CSMD1: variants seen among roughly 807,000 people sequenced by gnomAD.
CSMD1 encodes the protein CUB and sushi domain-containing protein 1.
Under a neutral mutation model 417.5 loss-of-function variants are expected in CSMD1, and 213 were observed. That is an observed-to-expected ratio of 0.51 (90% CI 0.46 to 0.57). The LOEUF (loss-of-function observed/expected upper bound fraction) is 0.57. Ranked by LOEUF, CSMD1 falls within the 20% of genes least tolerant of loss-of-function variation. The pLI is 0.00. For synonymous variants in CSMD1, 2,862 were observed against 1,736.8 expected (o/e 1.65, Z -16.11); for missense variants, 6,923 against 4,529.7 (o/e 1.53, Z -15.17).
chr8:3,262,150 C>A (rs1323329741), intron 26 of CSMD1, among the ~76,000 whole-genome samples: 2 of 135,706 alleles, frequency 1.5e-5, no homozygotes, highest in East Asian at 2.3e-4. Context: ...ACAGTGAATG[C>A]AAACCATTTT....
intron 6 of CSMD1, among the ~76,000 whole-genome samples, chr8:3,733,890 C>T (rs542363988): frequency 5.7e-4 from 87 of 152,104 alleles, no homozygotes; most frequent in Non-Finnish European, 9.1e-4. Flanking sequence ...GTACAAAGTA[C>T]GAGAAAAGCA....
chr8:4,177,267 T>C (rs1010260407), intron 3 of CSMD1, among the ~76,000 whole-genome samples: 4 of 152,022 alleles, frequency 2.6e-5, no homozygotes, highest in African/African-American at 9.7e-5. Context: ...GAACTCAGGA[T>C]TAAGAAACTC....
intron 32 of CSMD1, 46 bp from the exon 33 acceptor site, chr8:3,199,855 G>C (rs1447188194): frequency 8.5e-7 from 1 of 1,178,196 alleles, no homozygotes; most frequent in Non-Finnish European, 1.2e-6. Context: ...ACAGCACCGT[G>C]GGGGACGGTA....
intron 21 of CSMD1, among the ~76,000 whole-genome samples, chr8:3,352,248 C>T (rs538327471): frequency 8.5e-5 from 13 of 152,116 alleles, no homozygotes; most frequent in Non-Finnish European, 1.9e-4. Flanking sequence ...TGGAGCATCA[C>T]ATGAAGGAAC....
chr8:4,685,589 G>T (rs1265641364), intron 1 of CSMD1, among the ~76,000 whole-genome samples: 1 of 150,456 alleles, frequency 6.6e-6, no homozygotes, highest in Non-Finnish European at 1.5e-5. Flanking sequence ...AAGAAAAAAA[G>T]AAAGAAAGAA....
intron 1 of CSMD1, among the ~76,000 whole-genome samples, chr8:4,881,193 T>C (rs550097230): frequency 2.0e-5 from 3 of 152,244 alleles, no homozygotes; most frequent in Non-Finnish European, 2.9e-5. Context: ...TTGTGTGCTA[T>C]GTGAAAAATA....
intron 3 of CSMD1, among the ~76,000 whole-genome samples, chr8:4,336,688 CA>C (rs1252947678): frequency 3.3e-5 from 5 of 152,082 alleles, no homozygotes; most frequent in Non-Finnish European, 7.4e-5. Flanking sequence ...CCTTCGAAGA[CA>C]AAGTAGAGAT....
chr8:4,240,818 T>C (rs1191843460), intron 3 of CSMD1, among the ~76,000 whole-genome samples: 8 of 152,222 alleles, frequency 5.3e-5, no homozygotes. Context: ...TATTTTTTTA[T>C]TTGGTGTCTA....
At chr8:4,074,863 C>T (rs1799740923) in intron 3 of CSMD1, among the ~76,000 whole-genome samples, 1 of 151,958 alleles carries the variant, frequency 6.6e-6, no homozygotes, top group South Asian at 2.1e-4. Flanking sequence ...TTCTCTCCTC[C>T]AGAATGCACA....
At chr8:4,291,856 G>T (rs1310291440) in intron 3 of CSMD1, among the ~76,000 whole-genome samples, 2 of 152,192 alleles carry the variant, frequency 1.3e-5, no homozygotes, top group African/African-American at 4.8e-5. Flanking sequence ...ATTAACTCAT[G>T]TGAAATTAGA....
At chr8:3,926,544 C>CT (rs1809743143) in intron 5 of CSMD1, among the ~76,000 whole-genome samples, 2 of 151,434 alleles carry the variant, frequency 1.3e-5, no homozygotes, top group Non-Finnish European at 2.9e-5. Flanking sequence ...ATAATTGTTT[C>CT]TTTTTTGATT....
intron 3 of CSMD1, among the ~76,000 whole-genome samples, chr8:4,275,805 T>C (rs1462717897): frequency 6.6e-6 from 1 of 152,246 alleles, no homozygotes; most frequent in Non-Finnish European, 1.5e-5. Flanking sequence ...TTGGCATGAC[T>C]AATGATCTAT....
intron 3 of CSMD1, among the ~76,000 whole-genome samples, chr8:4,272,478 A>G (rs544612041): frequency 6.6e-6 from 1 of 152,322 alleles, no homozygotes; most frequent in East Asian, 1.9e-4. Context: ...ATAGGCACAG[A>G]TAACTATACA....
At chr8:3,380,698 A>G (rs1810576874) in intron 18 of CSMD1, among the ~76,000 whole-genome samples, 1 of 152,132 alleles carries the variant, frequency 6.6e-6, no homozygotes, top group Non-Finnish European at 1.5e-5. Flanking sequence ...ATGAGAACAC[A>G]TGGACACAGG....
chr8:4,646,824 A>G (rs1351422190), intron 1 of CSMD1, among the ~76,000 whole-genome samples: 1 of 152,228 alleles, frequency 6.6e-6, no homozygotes, highest in Admixed American at 6.5e-5. Flanking sequence ...GACAGTAAAG[A>G]AGAATATAAT....
chr8:4,255,103 C>G (rs1049204224), intron 3 of CSMD1, among the ~76,000 whole-genome samples: 2 of 152,154 alleles, frequency 1.3e-5, no homozygotes, highest in African/African-American at 2.4e-5. Flanking sequence ...CCCTCGGTCT[C>G]TCTACTTCTT....
At chr8:4,356,513 G>C (rs1306231299) in intron 3 of CSMD1, among the ~76,000 whole-genome samples, 1 of 152,118 alleles carries the variant, frequency 6.6e-6, no homozygotes, top group Non-Finnish European at 1.5e-5. Context: ...TGGATCAAAT[G>C]TTGTTCTTTT....
intron 18 of CSMD1, among the ~76,000 whole-genome samples, chr8:3,384,423 A>G (rs969170568): frequency 6.6e-6 from 1 of 151,794 alleles, no homozygotes; most frequent in African/African-American, 2.4e-5. Context: ...CTGTACAGAC[A>G]AAGATCTGTT....
intron 5 of CSMD1, among the ~76,000 whole-genome samples, chr8:3,922,451 C>A (rs2975325): frequency 6.6e-6 from 1 of 151,740 alleles, no homozygotes; most frequent in Non-Finnish European, 1.5e-5. Context: ...TTAATATATT[C>A]TGTTCTGTTT....
Sources: allele counts gnomAD v4.1 joint callset (sites outside exome capture counted in the v4.1 genomes callset), GRCh38; gene constraint gnomAD v4.1.1; transcripts MANE v1.5; gene names NCBI Gene and HGNC (gene_info 2026-07-23, HGNC 2026-07-21).